SLC24A4: variants seen among roughly 807,000 people sequenced by gnomAD.
SLC24A4 encodes solute carrier family 24 member 4.
A neutral mutation model predicts 79.0 loss-of-function variants in SLC24A4; 53 were observed. That is an observed-to-expected ratio of 0.67 (90% CI 0.54 to 0.84). SLC24A4 has a LOEUF of 0.84. Among genes scored for constraint, SLC24A4 ranks in the 40% least tolerant of loss-of-function variants. The pLI is 0.00. For synonymous variants in SLC24A4, 323 were observed against 323.8 expected (o/e 1.00, Z 0.03); for missense variants, 731 against 822.0 (o/e 0.89, Z 1.35).
intron 2 of SLC24A4, among the ~76,000 whole-genome samples, chr14:92,354,048 C>T (rs1000074746): frequency 3.9e-5 from 6 of 152,326 alleles, no homozygotes; most frequent in East Asian, 1.9e-4. Context: ...AGAGAACTGC[C>T]GGTGGAAACC....
intron 11 of SLC24A4, among the ~76,000 whole-genome samples, chr14:92,455,841 C>T (rs529400782): frequency 8.5e-5 from 13 of 152,118 alleles, no homozygotes; most frequent in Admixed American, 3.3e-4. Context: ...GCTGGGATTA[C>T]GGGGGCCTAC....
chr14:92,369,024 G>T (rs1442571329), intron 2 of SLC24A4, among the ~76,000 whole-genome samples: 1 of 152,098 alleles, frequency 6.6e-6, no homozygotes, highest in African/African-American at 2.4e-5. Context: ...CATCCTGAGG[G>T]AGGACTCTAA....
intron 12 of SLC24A4, among the ~76,000 whole-genome samples, chr14:92,465,913 C>T (rs1165242143): frequency 6.6e-6 from 1 of 152,208 alleles, no homozygotes; most frequent in African/African-American, 2.4e-5. Flanking sequence ...TGTTTTTCCT[C>T]ACATCATCCC....
intron 2 of SLC24A4, among the ~76,000 whole-genome samples, chr14:92,354,147 A>G (rs1595154277): frequency 6.8e-6 from 1 of 147,706 alleles, no homozygotes; most frequent in South Asian, 2.1e-4. Flanking sequence ...GTGATCGTAC[A>G]CCATATTATT....
intron 2 of SLC24A4, among the ~76,000 whole-genome samples, chr14:92,349,268 C>A (rs1267692408): frequency 6.6e-6 from 1 of 151,832 alleles, no homozygotes; most frequent in Non-Finnish European, 1.5e-5. Context: ...CAAGCAATTA[C>A]CCTGCCTCAG....
intron 2 of SLC24A4, among the ~76,000 whole-genome samples, chr14:92,389,693 C>T (rs1298089511): frequency 1.3e-5 from 2 of 152,204 alleles, no homozygotes; most frequent in African/African-American, 4.8e-5. Context: ...TCCTCGGTGG[C>T]AAAGCCACAT....
intron 2 of SLC24A4, among the ~76,000 whole-genome samples, chr14:92,369,009 C>T (rs1888006022): frequency 6.6e-6 from 1 of 152,110 alleles, no homozygotes; most frequent in African/African-American, 2.4e-5. Context: ...TCTAGGGAGC[C>T]CCATCATCCT....
chr14:92,480,529 A>G (rs949499144), intron 12 of SLC24A4, among the ~76,000 whole-genome samples: 27 of 150,592 alleles, frequency 1.8e-4, no homozygotes, highest in Non-Finnish European at 3.4e-4. Context: ...TCCTGACCTC[A>G]TGATCCACCC....
intron 15 of SLC24A4, 22 bp downstream of exon 15, chr14:92,491,799 C>A: frequency 6.4e-7 from 1 of 1,571,542 alleles, no homozygotes; most frequent in Non-Finnish European, 8.8e-7. Flanking sequence ...TCACCTTTAA[C>A]AGATGTGTTT....
chr14:92,396,997 T>A (rs1889815504), intron 2 of SLC24A4, among the ~76,000 whole-genome samples: 1 of 152,238 alleles, frequency 6.6e-6, no homozygotes, highest in Non-Finnish European at 1.5e-5. Flanking sequence ...TGACAGCATT[T>A]TCTCTTAATC....
At chr14:92,447,451 C>T in intron 9 of SLC24A4, 27 bp downstream of exon 9, 1 of 1,608,070 alleles carries the variant, frequency 6.2e-7, no homozygotes, top group Middle Eastern at 1.7e-4. Context: ...CTCCCCGGGG[C>T]TGCCGACGCC....
At chr14:92,406,935 A>G (rs1343399264) in intron 2 of SLC24A4, among the ~76,000 whole-genome samples, 2 of 152,146 alleles carry the variant, frequency 1.3e-5, no homozygotes, top group Middle Eastern at 6.3e-3. Flanking sequence ...TTTCTACCAC[A>G]TGGTCAGGCT....
chr14:92,339,932 T>C (rs1886029315), intron 2 of SLC24A4, among the ~76,000 whole-genome samples: 1 of 152,232 alleles, frequency 6.6e-6, no homozygotes, highest in Admixed American at 6.5e-5. Flanking sequence ...ATTGTCTTAC[T>C]TGGGGTGTCA....
intron 2 of SLC24A4, among the ~76,000 whole-genome samples, chr14:92,348,500 T>C (rs1886671706): frequency 6.6e-6 from 1 of 152,212 alleles, no homozygotes; most frequent in South Asian, 2.1e-4. Context: ...TGGGCCATAG[T>C]CTGCTGATCC....
At position 92,495,840 on chromosome 14, in the gene SLC24A4, GTT is replaced by G. The variant is rs1895904381; in HGVS notation, c.*2214_*2215del. 6.6e-6 allele frequency: 1 copy of G among 152,194 alleles called. No individual in the cohort carries two copies. The highest frequency in any genetic ancestry group is 2.4e-5 in the African/African-American group (1 of 41,452). 9.4% of individuals were successfully genotyped at this position (152,194 alleles called of 1,614,324 possible). ...TTTACCCTCCTGGTTGGTTCTTACT[GTT>G]TGAGTCAAAACCTCATCAATATATC... is the stretch of plus-strand genomic sequence containing the variant. On this transcript the variant is annotated 3_prime_UTR_variant, in exon 17 of 17. Transcript: ENST00000532405.
chr14:92,473,759 C>G (rs1349491734), intron 12 of SLC24A4, among the ~76,000 whole-genome samples: 2 of 152,192 alleles, frequency 1.3e-5, no homozygotes, highest in Non-Finnish European at 1.5e-5. Context: ...CCTCTCCTCT[C>G]CTGATTTCAC....
Position 92,421,923 on chromosome 14 carries a change from A to C in SLC24A4, c.242-11989A>C, listed in dbSNP as rs1214549356. On this transcript the variant is annotated intron_variant, in intron 2 of 16. Transcript: ENST00000532405. The stretch of plus-strand genomic sequence containing the variant: ...GGCCCTGGAAAGGGCAGCCGTTTAG[A>C]ATTCCTCCACCCGCCATAACCACTA... Among the ~76,000 whole-genome samples the C allele has an allele frequency of 6.6e-5, 10 of 152,208 alleles. No individual in the cohort carries two copies. The East Asian group carries it at 1.7e-3, about 26-fold the overall frequency.
intron 2 of SLC24A4, among the ~76,000 whole-genome samples, chr14:92,396,429 C>T (rs543313182): frequency 1.3e-5 from 2 of 152,224 alleles, no homozygotes; most frequent in African/African-American, 2.4e-5. Flanking sequence ...TGGGTGAGCC[C>T]AAGGTGCTGT....
intron 14 of SLC24A4, among the ~76,000 whole-genome samples, chr14:92,487,837 C>G (rs538426993): frequency 6.6e-6 from 1 of 152,108 alleles, no homozygotes; most frequent in Non-Finnish European, 1.5e-5. Context: ...AGGGGAGGAA[C>G]CTTCCTTGCC....
Sources: allele counts gnomAD v4.1 joint callset (sites outside exome capture counted in the v4.1 genomes callset), GRCh38; gene constraint gnomAD v4.1.1; transcripts MANE v1.5; gene names NCBI Gene and HGNC (gene_info 2026-07-23, HGNC 2026-07-21).